FAM118B: variants seen among roughly 807,000 people sequenced by gnomAD.
The protein encoded by FAM118B is SIR2 antiphage like 1, also known as protein FAM118B.
FAM118B carries 24 observed loss-of-function variants against 38.5 expected under a neutral mutation model. The observed-to-expected ratio is 0.62, with a 90% confidence interval of 0.45 to 0.88. FAM118B has a LOEUF of 0.88. Ranked by LOEUF, FAM118B falls within the 40% of genes least tolerant of loss-of-function variation. The pLI is 0.00. For synonymous variants in FAM118B, 138 were observed against 156.3 expected, an observed-to-expected ratio of 0.88 and a Z score of 0.87; for missense variants, 334 against 420.0, an observed-to-expected ratio of 0.80 and a Z score of 1.79.
chr11:126,255,490 TAC>T lies in FAM118B; in HGVS notation c.697-1063_697-1062del, dbSNP rs199936495. ...CTGTGTTTTTGTGTGTGTATATGTATACACACACACACACATACTGATGTTCT... is the reference window on the plus strand; with the variant it reads ...CTGTGTTTTTGTGTGTGTATATGTATACACACACACACATACTGATGTTCT... On this transcript the variant is annotated intron_variant, in intron 6 of 8. Coordinates refer to ENST00000533050, the MANE Select transcript of FAM118B (RefSeq NM_024556.4). This position sits in a 1 kb window ranked among gnomAD's most constrained non-coding sequence, Gnocchi z 4.6. 2.5e-4 allele frequency among the ~76,000 whole-genome samples: 38 copies of T among 151,648 alleles called. No individual in the cohort carries two copies. The highest frequency in any genetic ancestry group is 7.0e-4 in the African/African-American group (29 of 41,386).
At chr11:126,239,698 G>T (rs575783791) in intron 3 of FAM118B, among the ~76,000 whole-genome samples, 62 of 152,240 alleles carry the variant, frequency 4.1e-4, no homozygotes, top group African/African-American at 1.4e-3. Context: ...ATTTTTAGTA[G>T]ACACAGAGTT....
intron 4 of FAM118B, among the ~76,000 whole-genome samples, chr11:126,249,568 T>TA (rs1173886044): frequency 6.6e-6 from 1 of 151,448 alleles, no homozygotes; most frequent in African/African-American, 2.4e-5. Flanking sequence ...CCGTCTCTAC[T>TA]AAAAATACAA....
Position 126,235,057 on chromosome 11 carries a change from A to T in FAM118B, c.56A>T (p.Asn19Ile). The change falls in exon 3 of 9, where the codon AAC (asparagine) becomes ATC (isoleucine). Residue 19 changes from asparagine to isoleucine, a missense_variant. Around this residue, in one of 3 missense-constraint regions of FAM118B, gnomAD observed 240 missense variants for 295.9 expected, o/e 0.81. Transcript: ENST00000533050. ...ATAGACGAGATTTTTGGATTCTTCA[A>T]CGATGGCGAACCTCCCACCAAAAAG... ...SDIDEIFGFF[N>I]DGEPPTKKPR... is the part of the protein sequence containing the mutation. The T allele has an allele frequency of 6.2e-7, 1 of 1,614,164 alleles. No individual in the cohort carries two copies. The highest frequency in any genetic ancestry group is 8.5e-7 in the Non-Finnish European group (1 of 1,180,024).
In FAM118B at chr11:126,229,110, A is replaced by T. The variant is rs80132727; in HGVS notation, c.-76-115A>T. The stretch of plus-strand genomic sequence containing the variant: ...GAGTTATTCAATTTCATTTTTAATG[A>T]ATAACCTATGCCATTTATGATGGAA... On this transcript the variant is annotated intron_variant, in intron 1 of 8. Transcript: ENST00000533050. 48 of 152,332 alleles carry T rather than the reference A, an allele frequency of 3.2e-4. No individual in the cohort carries two copies. The East Asian group carries it at 9.3e-3, about 29-fold the overall frequency. The allele number at this position is 152,332 out of a possible 1,614,324, so 9.4% of individuals were successfully genotyped here.
At chr11:126,225,532 A>G (rs1173086208) in intron 1 of FAM118B, among the ~76,000 whole-genome samples, 1 of 152,210 alleles carries the variant, frequency 6.6e-6, no homozygotes, top group Admixed American at 6.5e-5. Flanking sequence ...GCCCACAGCT[A>G]ATCCTTTCCC....
chr11:126,241,767 C>T (rs947048020), intron 4 of FAM118B, among the ~76,000 whole-genome samples: 8 of 152,088 alleles, frequency 5.3e-5, no homozygotes, highest in Non-Finnish European at 1.2e-4. Context: ...TCAAGCTGGT[C>T]TCGAACTTCT....
At chr11:126,233,883 G>T (rs1164417168) in intron 2 of FAM118B, among the ~76,000 whole-genome samples, 5 of 152,144 alleles carry the variant, frequency 3.3e-5, no homozygotes, top group African/African-American at 1.2e-4. Context: ...AGGAGTTAGA[G>T]ACCAGCTGGG....
chr11:126,247,857 C>CAAAA (rs35290990), intron 4 of FAM118B, among the ~76,000 whole-genome samples: 3 of 125,014 alleles, frequency 2.4e-5, no homozygotes, highest in Non-Finnish European at 3.4e-5. Context: ...GACTCCATCT[C>CAAAA]AAAAAAAAAA....
intron 1 of FAM118B, among the ~76,000 whole-genome samples, chr11:126,226,547 C>G (rs950427914): frequency 3.9e-5 from 6 of 152,214 alleles, no homozygotes; most frequent in Admixed American, 6.5e-5. Flanking sequence ...ATTTAACAGG[C>G]CTTTTCTCTC....
At chr11:126,214,567 TC>T in intron 1 of FAM118B, 1 of 145,596 alleles carries the variant, frequency 6.9e-6, no homozygotes, top group East Asian at 2.1e-4. Flanking sequence ...ATTCAGCTGG[TC>T]CTTTTTTAGG....
chr11:126,223,451 A>G (rs1411623964), intron 1 of FAM118B, among the ~76,000 whole-genome samples: 2 of 151,804 alleles, frequency 1.3e-5, no homozygotes, highest in Middle Eastern at 3.2e-3. Flanking sequence ...ACAAAAAATT[A>G]GCCGGGTGTG....
chr11:126,234,717 T>C (rs1445218828), intron 2 of FAM118B, among the ~76,000 whole-genome samples: 2 of 152,166 alleles, frequency 1.3e-5, no homozygotes, highest in East Asian at 3.9e-4. Context: ...GTTGACACTG[T>C]TTTTGGTGGG....
At chr11:126,235,639 C>T (rs1163454881) in intron 3 of FAM118B, among the ~76,000 whole-genome samples, 1 of 152,188 alleles carries the variant, frequency 6.6e-6, no homozygotes, top group Admixed American at 6.5e-5. Flanking sequence ...CTGCCTCAGC[C>T]TCCTGAGTAG....
rs199786570 is a variant in FAM118B at position 126,256,610 on chromosome 11, T to C, written c.740T>C (p.Leu247Pro). 1.9e-5 allele frequency: 31 copies of C among 1,614,046 alleles called. No homozygotes were observed. The highest frequency in any genetic ancestry group is 1.8e-5 in the Non-Finnish European group (21 of 1,180,020). The change falls in exon 7 of 9, where the codon CTG becomes CCG. Residue 247 changes from leucine to proline, a missense_variant. Physicochemically the swap from Leu to Pro is moderately conservative, Grantham distance 98 (BLOSUM62 -3). Coordinates refer to ENST00000533050, the MANE Select transcript of FAM118B (RefSeq NM_024556.4). This position sits in a 1 kb window ranked among gnomAD's most constrained non-coding sequence, Gnocchi z 6.6. ...TACGAAAACAAGTCATTTCTTTTCC[T>C]GGGCTGTGGCTGGACTGTGGATGAC... is the stretch of plus-strand genomic sequence containing the variant. ...KLYENKSFLF[L>P]GCGWTVDDTT... is the part of the protein sequence containing the mutation.
At chr11:126,218,459 G>C (rs984228612) in intron 1 of FAM118B, among the ~76,000 whole-genome samples, 18 of 152,062 alleles carry the variant, frequency 1.2e-4, no homozygotes, top group Non-Finnish European at 7.4e-5. Context: ...CCACCATCTA[G>C]CATCCCACAT....
intron 1 of FAM118B, among the ~76,000 whole-genome samples, chr11:126,217,847 A>G (rs1198911921): frequency 6.6e-6 from 1 of 152,268 alleles, no homozygotes; most frequent in Non-Finnish European, 1.5e-5. Flanking sequence ...ATTGGAAATA[A>G]GGTTCTCTCA....
At chr11:126,217,844 A>G (rs1242325639) in intron 1 of FAM118B, among the ~76,000 whole-genome samples, 3 of 152,258 alleles carry the variant, frequency 2.0e-5, no homozygotes, top group Non-Finnish European at 4.4e-5. Flanking sequence ...TAGATTGGAA[A>G]TAAGGTTCTC....
chr11:126,229,373 T>C (rs997911669), intron 2 of FAM118B, 80 bp downstream of exon 2: 3 of 152,208 alleles, frequency 2.0e-5, no homozygotes, highest in African/African-American at 7.2e-5. Flanking sequence ...TGGAACACTT[T>C]TGTTCCCTAT....
Position 126,211,785 on chromosome 11 carries a change from C to T in FAM118B, c.-122C>T, listed in dbSNP as rs1217015322. 1.6e-5 allele frequency: 14 copies of T among 850,468 alleles called. No homozygotes were observed. Among genetic ancestry groups the T allele is most frequent in the Non-Finnish European group, 2.5e-5 (14 of 558,342 alleles). The allele number at this position is 850,468 out of a possible 1,614,324, so 52.7% of individuals were successfully genotyped here. ...ACGGTGCGCGCTCAGTGCGGCTGCG[C>T]CGGCCGGTAGCTGCAGCTGGAGCAG... is the stretch of plus-strand genomic sequence containing the variant. On this transcript the variant is annotated 5_prime_UTR_variant, in exon 1 of 9. Transcript: ENST00000533050.
Sources: allele counts gnomAD v4.1 joint callset (sites outside exome capture counted in the v4.1 genomes callset), GRCh38; gene constraint gnomAD v4.1.1; regional missense constraint gnomAD v4.1.1; non-coding constraint Gnocchi (gnomAD v3.1); transcripts MANE v1.5; gene names NCBI Gene and HGNC (gene_info 2026-07-23, HGNC 2026-07-21).